CAPN9: variants seen among roughly 807,000 people sequenced by gnomAD.
CAPN9 encodes the protein calpain 9, also known as calpain-9.
CAPN9 carries 81 observed loss-of-function variants against 92.8 expected under a neutral mutation model. That is an observed-to-expected ratio of 0.87 (90% CI 0.73 to 1.05). The LOEUF is 1.05. Among genes scored for constraint, CAPN9 ranks in the 50% least tolerant of loss-of-function variants. CAPN9 has a pLI of 0.00. For synonymous variants in CAPN9, 304 were observed against 328.0 expected, an observed-to-expected ratio of 0.93 and a Z score of 0.79; for missense variants, 848 against 866.2, an observed-to-expected ratio of 0.98 and a Z score of 0.26.
intron 8 of CAPN9, among the ~76,000 whole-genome samples, chr1:230,777,501 C>T (rs1666886586): frequency 2.6e-5 from 4 of 152,036 alleles, no homozygotes; most frequent in Admixed American, 6.6e-5. Context: ...CCCCCTTCTT[C>T]TGAATCATTC....
chr1:230,791,087 A>T (rs1454010587), intron 14 of CAPN9, among the ~76,000 whole-genome samples: 1 of 152,104 alleles, frequency 6.6e-6, no homozygotes, highest in Non-Finnish European at 1.5e-5. Context: ...ACAACATTCC[A>T]TCGTATGGAT....
intron 12 of CAPN9, among the ~76,000 whole-genome samples, chr1:230,787,037 G>A (rs965671305): frequency 2.4e-4 from 37 of 152,130 alleles, no homozygotes; most frequent in African/African-American, 8.9e-4. Flanking sequence ...GCTTATTAAT[G>A]GTGCTAAAAA....
At chr1:230,792,526 G>A (rs757012272) in intron 16 of CAPN9, 32 bp downstream of exon 16, 3 of 1,566,278 alleles carry the variant, frequency 1.9e-6, no homozygotes, top group Non-Finnish European at 1.8e-6. Flanking sequence ...TTGGCCTCTG[G>A]GGGACCCAGT....
chr1:230,754,354 G>A (rs1437856559), intron 1 of CAPN9, among the ~76,000 whole-genome samples: 1 of 151,878 alleles, frequency 6.6e-6, no homozygotes, highest in Non-Finnish European at 1.5e-5. Flanking sequence ...ATATTAATAT[G>A]TATTAATGAT....
intron 4 of CAPN9, among the ~76,000 whole-genome samples, chr1:230,766,261 AT>A (rs1214887255): frequency 6.6e-6 from 1 of 152,036 alleles, no homozygotes; most frequent in Non-Finnish European, 1.5e-5. Context: ...ACACCCAGCT[AT>A]TTTTTTAATT....
At chr1:230,748,441 C>T (rs1201899397) in intron 1 of CAPN9, among the ~76,000 whole-genome samples, 2 of 152,166 alleles carry the variant, frequency 1.3e-5, no homozygotes, top group Non-Finnish European at 2.9e-5. Context: ...GGAGTGGCTC[C>T]TGTGGGGTCC....
intron 8 of CAPN9, among the ~76,000 whole-genome samples, chr1:230,778,039 C>T (rs1315970221): frequency 1.3e-5 from 2 of 152,156 alleles, no homozygotes; most frequent in Admixed American, 1.3e-4. Context: ...CAATGGTCTA[C>T]TTTAACATCT....
intron 3 of CAPN9, among the ~76,000 whole-genome samples, chr1:230,762,392 C>T (rs1665701265): frequency 1.3e-5 from 2 of 152,226 alleles, no homozygotes; most frequent in African/African-American, 4.8e-5. Context: ...TGTCCTGCCC[C>T]CTGCATCGCC....
chr1:230,778,615 C>T (rs545362419), intron 8 of CAPN9, among the ~76,000 whole-genome samples: 2 of 152,244 alleles, frequency 1.3e-5, no homozygotes, highest in South Asian at 4.2e-4. Flanking sequence ...GCTGCCCTGC[C>T]CAGGACCTGG....
intron 2 of CAPN9, among the ~76,000 whole-genome samples, chr1:230,758,315 T>G (rs1665388323): frequency 6.6e-6 from 1 of 152,122 alleles, no homozygotes; most frequent in Non-Finnish European, 1.5e-5. Flanking sequence ...CTCCTTATCT[T>G]TGCATCTTCT....
At chr1:230,800,272 AAGAAAGAAAGAAAG>A (rs1668624102) in intron 19 of CAPN9, among the ~76,000 whole-genome samples, 1 of 135,618 alleles carries the variant, frequency 7.4e-6, no homozygotes, top group African/African-American at 2.8e-5. Context: ...GAAAGAAAGA[AAGAAAGAAAGAAAG>A]AAAGAAAGAA....
intron 1 of CAPN9, among the ~76,000 whole-genome samples, chr1:230,748,424 G>C (rs74144820): frequency 2.0e-5 from 3 of 152,288 alleles, no homozygotes; most frequent in African/African-American, 4.8e-5. Context: ...AGGTGGGTAC[G>C]GGCCTGGGAG....
In CAPN9 at chr1:230,775,130, C is replaced by G. The variant is rs7526906; in HGVS notation, c.953+499C>G. ...GAGGGAAATTTAATCTCCCTCCTGT[C>G]TTGGTGGGGGCTCACCCCAGCTCTC... On this transcript the variant is annotated intron_variant, in intron 8 of 19. Coordinates refer to ENST00000271971, the MANE Select transcript of CAPN9 (RefSeq NM_006615.3). 3.2e-3 allele frequency among the ~76,000 whole-genome samples: 494 copies of G among 152,242 alleles called. 6 individuals carry two copies. Among genetic ancestry groups the G allele is most frequent in the African/African-American group, 0.011 (472 of 41,556 alleles).
chr1:230,757,064 GGAAA>G (rs145707198), intron 2 of CAPN9, among the ~76,000 whole-genome samples: 9,714 of 44,594 alleles, frequency 0.22, 638 homozygotes, highest in African/African-American at 0.26. Context: ...AAGGAAGGAA[GGAAA>G]GGAGAAAATA....
chr1:230,757,360 A>C (rs1381808861), intron 2 of CAPN9, among the ~76,000 whole-genome samples: 1 of 152,102 alleles, frequency 6.6e-6, no homozygotes, highest in African/African-American at 2.4e-5. Context: ...ATTGCTATCC[A>C]ATAGGAAATC....
intron 11 of CAPN9, among the ~76,000 whole-genome samples, chr1:230,784,083 T>G (rs11122601): frequency 0.22 from 33,220 of 152,124 alleles, 3,905 homozygotes; most frequent in African/African-American, 0.31. Context: ...AAGAAGAAAT[T>G]TCTAAGCAGC....
At chr1:230,797,692 C>T (rs1028641718) in intron 18 of CAPN9, among the ~76,000 whole-genome samples, 11 of 152,192 alleles carry the variant, frequency 7.2e-5, no homozygotes, top group Non-Finnish European at 8.8e-5. Context: ...CTACACCATG[C>T]GGTAGACCCA....
intron 13 of CAPN9, among the ~76,000 whole-genome samples, chr1:230,788,068 GTCTCAAACTCC>G (rs1336888452): frequency 6.6e-6 from 1 of 152,136 alleles, no homozygotes; most frequent in Admixed American, 6.6e-5. Flanking sequence ...GCCCAGGCTG[GTCTCAAACTCC>G]TAGGCTCAAG....
rs1238863534 is a variant in CAPN9 at position 230,769,232 on chromosome 1, G to A, written c.758G>A (p.Gly253Asp). Reference sequence around the variant, plus strand: ...CGGACGCCGTTTGGTCTTATTAAGGGTCATGCCTACAGTGTAACGGGAATT... The same window carrying A: ...CGGACGCCGTTTGGTCTTATTAAGGATCATGCCTACAGTGTAACGGGAATT... Reference protein sequence around the residue: ...EARTPFGLIKGHAYSVTGIDQ... With the variant: ...EARTPFGLIKDHAYSVTGIDQ... The change falls in exon 6 of 20, where the codon GGT becomes GAT. Residue 253 changes from glycine (G) to aspartate (D), a missense_variant. Coordinates refer to ENST00000271971, the MANE Select transcript of CAPN9 (RefSeq NM_006615.3). 6.2e-7 allele frequency: 1 copy of A among 1,614,032 alleles called. No homozygotes were observed. Among genetic ancestry groups the A allele is most frequent in the African/African-American group, 1.3e-5 (1 of 74,930 alleles).
Sources: allele counts gnomAD v4.1 joint callset (sites outside exome capture counted in the v4.1 genomes callset), GRCh38; gene constraint gnomAD v4.1.1; transcripts MANE v1.5; gene names NCBI Gene and HGNC (gene_info 2026-07-23, HGNC 2026-07-21).